DYM: variants seen among roughly 807,000 people sequenced by gnomAD.
DYM encodes dymeclin.
Under a neutral mutation model 93.1 loss-of-function variants are expected in DYM, and 78 were observed. The observed-to-expected ratio is 0.84, with a 90% CI of 0.70 to 1.01. The LOEUF (loss-of-function observed/expected upper bound fraction) is 1.01. DYM is among the 50% of genes least tolerant of loss of function. The pLI is 0.00. For missense variants in DYM, 789 were observed against 845.0 expected, an observed-to-expected ratio of 0.93 and a Z score of 0.82; for synonymous variants, 321 against 319.7, an observed-to-expected ratio of 1.00 and a Z score of -0.04.
At chr18:49,284,685 G>A (rs1417535985) in intron 9 of DYM, among the ~76,000 whole-genome samples, 2 of 152,162 alleles carry the variant, frequency 1.3e-5, no homozygotes, top group Non-Finnish European at 2.9e-5. Context: ...GGTATGGTGT[G>A]AAGCCAGGTA....
intron 10 of DYM, among the ~76,000 whole-genome samples, chr18:49,277,643 C>T (rs1352806479): frequency 6.6e-6 from 1 of 152,200 alleles, no homozygotes. Flanking sequence ...CCTCTGCTCA[C>T]TGCCATGTGA....
At chr18:49,198,297 A>G (rs573411059) in intron 14 of DYM, among the ~76,000 whole-genome samples, 3 of 152,168 alleles carry the variant, frequency 2.0e-5, no homozygotes, top group Non-Finnish European at 4.4e-5. Context: ...AACCTAGGCA[A>G]TACCATTCAG....
chr18:49,317,684 C>T (rs1053135771), intron 8 of DYM, among the ~76,000 whole-genome samples: 45 of 126,110 alleles, frequency 3.6e-4, no homozygotes, highest in African/African-American at 1.4e-3. Context: ...TTCCTTCCTT[C>T]CTTCCTTTCT....
At position 49,037,030 on chromosome 18, in the gene DYM, T is replaced by C. The variant is rs1195331065; in HGVS notation, c.*7025A>G. On this transcript the variant is annotated 3_prime_UTR_variant, in exon 18 of 18. Transcript: ENST00000675505. ...AATTCTCTTGCCTCAGCCTCCTGCGTAGCTGGGACTACAGATGCCCACCAC... is the reference window on the plus strand; with the variant it reads ...AATTCTCTTGCCTCAGCCTCCTGCGCAGCTGGGACTACAGATGCCCACCAC... Among the ~76,000 whole-genome samples the C allele has an allele frequency of 2.0e-5, 3 of 152,152 alleles. No homozygotes were observed. The highest frequency in any genetic ancestry group is 2.9e-5 in the Non-Finnish European group (2 of 68,032).
chr18:49,063,774 CT>C (rs1282817707), intron 17 of DYM, among the ~76,000 whole-genome samples: 1 of 151,828 alleles, frequency 6.6e-6, no homozygotes, highest in Non-Finnish European at 1.5e-5. Context: ...TTACAGGCAC[CT>C]GCCACTATGC....
intron 17 of DYM, among the ~76,000 whole-genome samples, chr18:49,092,691 G>C (rs533280176): frequency 6.6e-6 from 1 of 152,144 alleles, no homozygotes; most frequent in African/African-American, 2.4e-5. Flanking sequence ...AGGTGATATC[G>C]GTGATGATGA....
chr18:49,259,318 T>A (rs538801879), intron 11 of DYM, among the ~76,000 whole-genome samples: 15 of 152,274 alleles, frequency 9.9e-5, no homozygotes, highest in Non-Finnish European at 1.9e-4. Context: ...CCTAAGAAAG[T>A]GATAATGCTG....
intron 15 of DYM, among the ~76,000 whole-genome samples, chr18:49,155,947 G>A (rs1965843): frequency 0.65 from 99,520 of 152,118 alleles, 33,097 homozygotes; most frequent in Non-Finnish European, 0.73. Flanking sequence ...TCTCTATCAT[G>A]TGACAACTCT....
chr18:49,332,142 A>C, intron 7 of DYM, 136 bp from the exon 8 acceptor site: 1 of 896,188 alleles, frequency 1.1e-6, no homozygotes, highest in Non-Finnish European at 1.7e-6. Flanking sequence ...ACAGAAATTG[A>C]GCACTGCACA....
chr18:49,144,231 T>C (rs142604104), intron 15 of DYM, among the ~76,000 whole-genome samples: 1,668 of 152,200 alleles, frequency 0.011, 21 homozygotes, highest in Non-Finnish European at 0.016. Context: ...ATTTTGGTGA[T>C]GTTTAATTTT....
chr18:49,241,124 ACT>A (rs2093998456), intron 13 of DYM, among the ~76,000 whole-genome samples: 1 of 152,000 alleles, frequency 6.6e-6, no homozygotes, highest in Non-Finnish European at 1.5e-5. Context: ...GACTCCATGG[ACT>A]CTCTGTGGCC....
intron 13 of DYM, among the ~76,000 whole-genome samples, chr18:49,224,816 G>A (rs1315766955): frequency 6.6e-6 from 1 of 152,026 alleles, no homozygotes; most frequent in Admixed American, 6.6e-5. Flanking sequence ...CCCGAACTAA[G>A]ACAGGGTGAC....
chr18:49,424,736 T>C (rs2074091565), intron 2 of DYM, among the ~76,000 whole-genome samples: 2 of 152,118 alleles, frequency 1.3e-5, no homozygotes, highest in Admixed American at 1.3e-4. Flanking sequence ...ACAAGCATTC[T>C]TATACACCAA....
chr18:49,184,091 T>C (rs1261438043), intron 14 of DYM, among the ~76,000 whole-genome samples: 2 of 152,192 alleles, frequency 1.3e-5, no homozygotes, highest in African/African-American at 4.8e-5. Flanking sequence ...CTATGGTATT[T>C]TGTTATGAGC....
chr18:49,170,186 T>C (rs957357716), intron 14 of DYM, among the ~76,000 whole-genome samples: 2 of 152,168 alleles, frequency 1.3e-5, no homozygotes, highest in Non-Finnish European at 1.5e-5. Flanking sequence ...CTCCCCCTTT[T>C]ATAAATAGAT....
At chr18:49,179,606 C>A (rs1600386832) in intron 14 of DYM, among the ~76,000 whole-genome samples, 1 of 152,074 alleles carries the variant, frequency 6.6e-6, no homozygotes, top group South Asian at 2.1e-4. Context: ...TAGTTACCAT[C>A]TATAGAGTAT....
intron 1 of DYM, among the ~76,000 whole-genome samples, chr18:49,441,668 C>G (rs913754568): frequency 1.3e-5 from 2 of 151,800 alleles, no homozygotes; most frequent in Non-Finnish European, 2.9e-5. Context: ...GGGAAGGTGA[C>G]AGAGGAGTGT....
chr18:49,397,413 G>A (rs2070237140), intron 2 of DYM, among the ~76,000 whole-genome samples: 2 of 152,148 alleles, frequency 1.3e-5, no homozygotes, highest in South Asian at 2.1e-4. Context: ...GCAAACTGAG[G>A]CATCCAAGGA....
chr18:49,148,032 T>C (rs1286812059), intron 15 of DYM, among the ~76,000 whole-genome samples: 3 of 152,224 alleles, frequency 2.0e-5, no homozygotes, highest in Non-Finnish European at 2.9e-5. Flanking sequence ...GATGAGTTCA[T>C]GTCTTTTGTA....
Sources: gnomAD v4.1 joint callset for allele counts (sites outside exome capture counted in the v4.1 genomes callset) on GRCh38, gnomAD v4.1.1 for gene constraint, MANE v1.5 for transcripts, NCBI Gene and HGNC (gene_info 2026-07-23, HGNC 2026-07-21) for gene names.